The following CCNH variants were observed in gnomAD, a reference collection of about 807,000 sequenced individuals.
The protein encoded by CCNH is cyclin H.
In CCNH, 31 loss-of-function variants were observed where a neutral mutation model predicts 41.9. The observed-to-expected ratio is 0.74, with a 90% CI of 0.56 to 1.00. CCNH has a LOEUF of 1.00. Among genes scored for constraint, CCNH ranks in the 50% least tolerant of loss-of-function variants. CCNH has a pLI of 0.00. For missense variants in CCNH, 362 were observed against 388.4 expected (o/e 0.93, Z 0.57); for synonymous variants, 138 against 136.1 (o/e 1.01, Z -0.10).
At chr5:87,346,942 T>C (rs1758907639) in intron 9 of CCNH, among the ~76,000 whole-genome samples, 1 of 152,004 alleles carries the variant, frequency 6.6e-6, no homozygotes, top group Non-Finnish European at 1.5e-5. Flanking sequence ...CCCAGGCCCC[T>C]GTCCACTTCC....
chr5:87,389,515 T>C, downstream of CCNH: 1 of 1,614,010 alleles, frequency 6.2e-7, no homozygotes, highest in Non-Finnish European at 8.5e-7. Flanking sequence ...GTAATGAGCG[T>C]GGTGCACAGC....
At chr5:87,359,289 C>A (rs367725065) in intron 9 of CCNH, among the ~76,000 whole-genome samples, 3 of 152,134 alleles carry the variant, frequency 2.0e-5, no homozygotes, top group Admixed American at 2.0e-4. Flanking sequence ...TAGACTCTAA[C>A]CAATCAGATT....
intron 6 of CCNH, among the ~76,000 whole-genome samples, chr5:87,400,987 G>C (rs757787551): frequency 1.3e-5 from 2 of 152,184 alleles, no homozygotes; most frequent in African/African-American, 2.4e-5. Context: ...GATAAGTCTT[G>C]ATTACGCAGG....
chr5:87,327,965 T>TC (rs1342710082), intron 9 of CCNH, among the ~76,000 whole-genome samples: 4 of 148,288 alleles, frequency 2.7e-5, no homozygotes, highest in African/African-American at 1.0e-4. Context: ...AGACTCCGTT[T>TC]CCCAAAAAAA....
At chr5:87,356,870 T>G (rs1759690439) in intron 9 of CCNH, among the ~76,000 whole-genome samples, 1 of 152,192 alleles carries the variant, frequency 6.6e-6, no homozygotes, top group African/African-American at 2.4e-5. Flanking sequence ...TATGCCTATA[T>G]TTTCCTTCAT....
chr5:87,404,940 A>G lies in CCNH; in HGVS notation c.593T>C (p.Ile198Thr). ...RKTADDFLNR[I>T]ALTDAYLLYT... The stretch of plus-strand genomic sequence containing the variant: ...TAAAAGGTAAGCATCCGTCAATGCA[A>G]TTCTATTAAGAAAGTCATCAGCTGT... The change falls in exon 5 of 9, where the codon ATT (isoleucine) becomes ACT (threonine). Residue 198 changes from isoleucine to threonine, a missense_variant. By Grantham distance (89) the Ile-to-Thr change is moderately conservative. Transcript: ENST00000256897. 1.2e-6 allele frequency: 2 copies of G among 1,613,270 alleles called. No homozygotes were observed. Among genetic ancestry groups the G allele is most frequent in the Non-Finnish European group, 1.7e-6 (2 of 1,179,324 alleles).
intron 9 of CCNH, among the ~76,000 whole-genome samples, chr5:87,340,569 G>A (rs750808766): frequency 5.9e-5 from 9 of 152,068 alleles, no homozygotes; most frequent in Admixed American, 5.2e-4. Flanking sequence ...AGTGGAATGA[G>A]TAACACTATT....
At chr5:87,402,313 G>A (rs1280070679) in intron 5 of CCNH, among the ~76,000 whole-genome samples, 4 of 152,112 alleles carry the variant, frequency 2.6e-5, no homozygotes, top group East Asian at 3.8e-4. Flanking sequence ...CATCTTATTT[G>A]CATCAAGTCC....
downstream of CCNH, among the ~76,000 whole-genome samples, chr5:87,316,598 T>A (rs550253111): frequency 7.7e-4 from 118 of 152,298 alleles, no homozygotes; most frequent in African/African-American, 2.6e-3. Context: ...CCACAGAGAC[T>A]TGAGGATTGA....
intron 3 of CCNH, 28 bp from the exon 4 acceptor site, chr5:87,408,214 G>A (rs778977903): frequency 8.3e-7 from 1 of 1,205,712 alleles, no homozygotes; most frequent in Non-Finnish European, 1.2e-6. Context: ...GAGGCAGGAG[G>A]CAGGGGGTGG....
chr5:87,363,410 T>A, intron 9 of CCNH: 1 of 1,611,222 alleles, frequency 6.2e-7, no homozygotes, highest in Non-Finnish European at 8.5e-7. Context: ...CCAACTTATT[T>A]ATTTTGAAAG....
downstream of CCNH, among the ~76,000 whole-genome samples, chr5:87,375,616 C>T (rs987997946): frequency 1.3e-5 from 2 of 152,108 alleles, no homozygotes; most frequent in South Asian, 4.1e-4. Flanking sequence ...TAAAAATTTC[C>T]CTTAAACTTG....
chr5:87,400,771 A>G (rs892904998), intron 6 of CCNH, among the ~76,000 whole-genome samples: 8 of 152,238 alleles, frequency 5.3e-5, no homozygotes, highest in African/African-American at 1.9e-4. Flanking sequence ...TAACAAGAAC[A>G]ATTTACACAA....
chr5:87,386,558 A>C (rs1360719798), downstream of CCNH, among the ~76,000 whole-genome samples: 7 of 152,058 alleles, frequency 4.6e-5, no homozygotes, highest in Non-Finnish European at 1.0e-4. Context: ...TTTCATTAAA[A>C]ATACCCATAC....
intron 7 of CCNH, among the ~76,000 whole-genome samples, chr5:87,398,547 T>C (rs1763139300): frequency 6.6e-6 from 1 of 152,198 alleles, no homozygotes; most frequent in African/African-American, 2.4e-5. Flanking sequence ...AAAGAAAGTT[T>C]CAGTGGATCT....
rs1027956355 is a variant in CCNH, at chr5:87,376,515, T to C, written n.666A>G. The C allele has an allele frequency of 1.2e-6, 2 of 1,614,054 alleles. No homozygotes were observed. Among genetic ancestry groups the C allele is most frequent in the Middle Eastern group, 1.6e-4 (1 of 6,062 alleles). On this transcript the variant is annotated non_coding_transcript_exon_variant, in exon 1 of 1. Coordinates refer to the CCNH transcript ENST00000607486. ...AGGGTCCCTGCGTGTTCGAGCACGA[T>C]ACTCTATGGAAAAAATCATGCCAGA...
At chr5:87,393,158 C>G (rs1411618590), downstream of CCNH, among the ~76,000 whole-genome samples, 1 of 151,750 alleles carries the variant, frequency 6.6e-6, no homozygotes, top group Non-Finnish European at 1.5e-5. Context: ...TAAGTATTGC[C>G]TTAAAATAGA....
chr5:87,391,185 G>A (rs1432329523), downstream of CCNH: 6 of 488,652 alleles, frequency 1.2e-5, no homozygotes, highest in Admixed American at 3.5e-5. Context: ...TTGATATCTC[G>A]AACTTTCAAA....
chr5:87,313,157 A>C, the CCNH span, among the ~76,000 whole-genome samples: 2 of 152,212 alleles, frequency 1.3e-5, no homozygotes, highest in Non-Finnish European at 2.9e-5. Flanking sequence ...GAGGAAACTC[A>C]CATTTCTATC....
Sources: gnomAD v4.1 joint callset for allele counts (sites outside exome capture counted in the v4.1 genomes callset) on GRCh38, gnomAD v4.1.1 for gene constraint, MANE v1.5 for transcripts, NCBI Gene and HGNC (gene_info 2026-07-23, HGNC 2026-07-21) for gene names.